RASGRP3: variants seen among roughly 807,000 people sequenced by gnomAD.
RASGRP3 encodes the protein RAS guanyl releasing protein 3, also known as ras guanyl-releasing protein 3.
Under a neutral mutation model 82.7 loss-of-function variants are expected in RASGRP3, and 54 were observed. The ratio of observed to expected loss-of-function variants is 0.65; its 90% CI spans 0.52 to 0.82. RASGRP3 has a LOEUF of 0.82. RASGRP3 is among the 40% of genes least tolerant of loss of function. The probability of loss-of-function intolerance (pLI) is 0.00; values close to 1 mark genes in which losing one functional copy is unlikely to be tolerated. For synonymous variants in RASGRP3, 309 were observed against 300.5 expected (o/e 1.03, Z -0.29); for missense variants, 861 against 828.9 (o/e 1.04, Z -0.48).
chr2:33,549,366 G>GCACACA (rs376284864), intron 13 of RASGRP3, among the ~76,000 whole-genome samples: 1 of 151,110 alleles, frequency 6.6e-6, no homozygotes, highest in South Asian at 2.1e-4. Flanking sequence ...ATATGCTCCT[G>GCACACA]CACACACACA....
Position 33,564,566 on chromosome 2 carries a change from G to A in RASGRP3, c.*1829G>A, listed in dbSNP as rs944438657. 1.1e-4 allele frequency: 16 copies of A among 152,172 alleles called. No homozygotes were observed. The highest frequency in any genetic ancestry group is 4.4e-5 in the Non-Finnish European group (3 of 68,030). 9.4% of individuals were successfully genotyped at this position (152,172 alleles called of 1,614,324 possible). On this transcript the variant is annotated 3_prime_UTR_variant, in exon 18 of 18. Transcript: ENST00000403687. Reference sequence around the variant, plus strand: ...AATTGAAGAAAATTCAGGAAGAAACGTGTTAATAAACATTGTACTGTTCTT... The same window carrying A: ...AATTGAAGAAAATTCAGGAAGAAACATGTTAATAAACATTGTACTGTTCTT...
chr2:33,464,080 C>T (rs1176409572), intron 2 of RASGRP3, among the ~76,000 whole-genome samples: 1 of 146,538 alleles, frequency 6.8e-6, no homozygotes, highest in Non-Finnish European at 1.5e-5. Flanking sequence ...TTTAGTAATT[C>T]TTGCAATATT....
chr2:33,531,828 T>G (rs1439261733), intron 10 of RASGRP3: 2 of 151,302 alleles, frequency 1.3e-5, no homozygotes, highest in African/African-American at 4.9e-5. Flanking sequence ...TTATTTGGAT[T>G]CTTGGTTGGC....
chr2:33,495,624 C>T (rs1470088235), intron 1 of RASGRP3, among the ~76,000 whole-genome samples: 1 of 152,128 alleles, frequency 6.6e-6, no homozygotes, highest in Non-Finnish European at 1.5e-5. Context: ...AGGCATGGTG[C>T]CTCATGCTTG....
rs756078687 is a variant in RASGRP3 at position 33,520,633 on chromosome 2, C to A, written c.317C>A (p.Ala106Asp). The stretch of plus-strand genomic sequence containing the variant: ...ATGACTGAGGAATTTCGGGAAGTAG[C>A]TAGTCAACTAGGATATGAAAAACAC... The part of the protein sequence containing the change: ...IRMTEEFREV[A>D]SQLGYEKHVS... The change falls in exon 6 of 18, where the codon GCT (alanine) becomes GAT (aspartate). Residue 106 changes from alanine to aspartate, a missense_variant. Physicochemically the swap from Ala to Asp is moderately radical, Grantham distance 126 (BLOSUM62 -2). Coordinates refer to ENST00000403687, the MANE Select transcript of RASGRP3 (RefSeq NM_001139488.2). The A allele has an allele frequency of 5.6e-6, 9 of 1,613,948 alleles. No individual in the cohort carries two copies. The South Asian group carries it at 9.9e-5, about 18-fold the overall frequency.
chr2:33,524,464 G>A lies in RASGRP3; in HGVS notation c.723G>A (p.Leu241=). 1 of 1,604,718 alleles carries A rather than the reference G, an allele frequency of 6.2e-7. No individual in the cohort carries two copies. Among genetic ancestry groups the A allele is most frequent in the South Asian group, 1.1e-5 (1 of 88,612 alleles). Residue 241 remains leucine, a synonymous_variant, in exon 9 of 18, where the codon CTG becomes CTA. Coordinates refer to ENST00000403687, the MANE Select transcript of RASGRP3 (RefSeq NM_001139488.2). ...KLLQLKNFNT[L]MAVVGGLSHS... is the part of the protein sequence containing the mutation. ...TTCAGCTCAAAAATTTTAACACCCTGATGGCAGTGGTGGGAGGCCTCAGTC... is the reference window on the plus strand; with the variant it reads ...TTCAGCTCAAAAATTTTAACACCCTAATGGCAGTGGTGGGAGGCCTCAGTC...
intron 2 of RASGRP3, among the ~76,000 whole-genome samples, chr2:33,469,564 A>AT (rs1666934148): frequency 6.6e-6 from 1 of 151,236 alleles, no homozygotes; most frequent in South Asian, 2.1e-4. Flanking sequence ...GGCTCAAGTG[A>AT]TTCTCCTGCC....
At chr2:33,481,471 A>C (rs933090544) in intron 1 of RASGRP3, 1 of 152,054 alleles carries the variant, frequency 6.6e-6, no homozygotes, top group East Asian at 1.9e-4. Context: ...TAGTTATGCT[A>C]TCTTTCAAAG....
At chr2:33,460,850 A>G (rs1487961932) in intron 2 of RASGRP3, among the ~76,000 whole-genome samples, 1 of 152,170 alleles carries the variant, frequency 6.6e-6, no homozygotes, top group Non-Finnish European at 1.5e-5. Flanking sequence ...TCACACACAC[A>G]GGAGTCCTGC....
At chr2:33,496,997 A>G (rs898589658) in intron 1 of RASGRP3, among the ~76,000 whole-genome samples, 9 of 152,226 alleles carry the variant, frequency 5.9e-5, no homozygotes, top group Admixed American at 4.6e-4. Context: ...ATACTTCAGC[A>G]TTTTTTTCCT....
chr2:33,449,959 T>G (rs1665702462), intron 2 of RASGRP3, among the ~76,000 whole-genome samples: 1 of 152,154 alleles, frequency 6.6e-6, no homozygotes, highest in Non-Finnish European at 1.5e-5. Context: ...CATGATTTCT[T>G]TGGGCCAGAA....
chr2:33,522,264 A>G (rs1672110121), intron 7 of RASGRP3, among the ~76,000 whole-genome samples, 162 bp downstream of exon 7: 1 of 152,144 alleles, frequency 6.6e-6, no homozygotes, highest in Non-Finnish European at 1.5e-5. Context: ...CCAAAGATAA[A>G]TATTATCCTG....
Position 33,527,181 on chromosome 2 carries a change from C to T in RASGRP3, c.852C>T (p.Tyr284=), listed in dbSNP as rs1281764502. 1 of 1,614,072 alleles carries T rather than the reference C, an allele frequency of 6.2e-7. No homozygotes were observed. Among genetic ancestry groups the T allele is most frequent in the East Asian group, 2.2e-5 (1 of 44,892 alleles). ...MTELVSSNGN[Y]CNYRKAFADC... Reference sequence around the variant, plus strand: ...AGTTGGTCTCCTCCAACGGCAATTACTGCAATTACCGCAAGGCCTTTGCCG... The same window carrying T: ...AGTTGGTCTCCTCCAACGGCAATTATTGCAATTACCGCAAGGCCTTTGCCG... The change falls in exon 10 of 18, where the codon TAC becomes TAT. Residue 284 remains tyrosine, a synonymous_variant. Transcript: ENST00000403687.
At chr2:33,468,611 A>G (rs929442520) in intron 2 of RASGRP3, among the ~76,000 whole-genome samples, 5 of 152,170 alleles carry the variant, frequency 3.3e-5, no homozygotes, top group African/African-American at 1.2e-4. Context: ...CATGTGGGCC[A>G]GGATGGTCTT....
chr2:33,524,317 T>A lies in RASGRP3; in HGVS notation c.691-115T>A, dbSNP rs1307888002. 9.3e-6 allele frequency: 7 copies of A among 751,122 alleles called. No individual in the cohort carries two copies. The East Asian group carries it at 1.9e-4, about 20-fold the overall frequency. The allele number at this position is 751,122 out of a possible 1,614,324, so 46.5% of individuals were successfully genotyped here. A position where few individuals can be genotyped will look rare whatever the true frequency, so the allele number is the denominator to read the frequency against. ...CTATTTGTGCTTCATTTTAAATTGA[T>A]GTAATGTTTTCCTTAGCTTCTTGTT... On this transcript the variant is annotated intron_variant, in intron 8 of 17. Coordinates refer to ENST00000403687, the MANE Select transcript of RASGRP3 (RefSeq NM_001139488.2).
intron 1 of RASGRP3, among the ~76,000 whole-genome samples, chr2:33,506,452 G>A (rs964743627): frequency 2.0e-4 from 30 of 152,084 alleles, no homozygotes; most frequent in Non-Finnish European, 2.8e-4. Context: ...CTTAGCTTTC[G>A]GGGTGTTAAA....
At chr2:33,558,466 A>G in intron 16 of RASGRP3, 130 bp downstream of exon 16, 1 of 1,388,874 alleles carries the variant, frequency 7.2e-7, no homozygotes, top group Non-Finnish European at 9.8e-7. Flanking sequence ...TAGGGTGAGC[A>G]GCAGTAGCTA....
intron 1 of RASGRP3, among the ~76,000 whole-genome samples, chr2:33,511,431 A>C (rs1221495392): frequency 2.0e-5 from 3 of 152,230 alleles, no homozygotes; most frequent in African/African-American, 7.2e-5. Context: ...TATTTGCATG[A>C]AACAGTAGTT....
chr2:33,507,115 G>A (rs1270370205), intron 1 of RASGRP3, among the ~76,000 whole-genome samples: 2 of 152,118 alleles, frequency 1.3e-5, no homozygotes, highest in East Asian at 1.9e-4. Context: ...GTCAACTGAG[G>A]CCAGGCACAG....
Sources: allele counts gnomAD v4.1 joint callset (sites outside exome capture counted in the v4.1 genomes callset), GRCh38; gene constraint gnomAD v4.1.1; transcripts MANE v1.5; gene names NCBI Gene and HGNC (gene_info 2026-07-23, HGNC 2026-07-21).